Variants in UTP6 observed in about 807,000 individuals in gnomAD.
The protein encoded by UTP6 is U3 small nucleolar RNA-associated protein 6 homolog.
In UTP6, 60 loss-of-function variants were observed where a neutral mutation model predicts 96.5. The observed-to-expected ratio is 0.62, with a 90% CI of 0.51 to 0.77. The LOEUF is 0.77. UTP6 is among the 30% of genes least tolerant of loss of function. The pLI is 0.00. For synonymous variants in UTP6, 215 were observed against 240.1 expected (o/e 0.90, Z 0.96); for missense variants, 637 against 706.5 (o/e 0.90, Z 1.12).
In UTP6 at chr17:31,894,780, T is replaced by G. The variant is rs757908630; in HGVS notation, c.220-43A>C. The G allele has an allele frequency of 2.3e-5, 35 of 1,536,756 alleles. No homozygotes were observed. The Middle Eastern group carries it at 8.4e-4, about 37-fold the overall frequency. ...AAAACAGAGCCTCAACTTAATCATA[T>G]TTGTCCAAAACAGCATTCCTACTTG... On this transcript the variant is annotated intron_variant, in intron 3 of 18. Coordinates refer to ENST00000261708, the MANE Select transcript of UTP6 (RefSeq NM_018428.3).
chr17:31,889,403 G>A lies in UTP6; in HGVS notation c.425C>T (p.Ala142Val), dbSNP rs749511728. ...AMLAIHSNKP[A>V]LWIMAAKWEM... ...CCATTTGGCTGCCATAATCCACAAAGCTGTAAGTGAAAAACCATCAGATTT... is the reference window on the plus strand; with the variant it reads ...CCATTTGGCTGCCATAATCCACAAAACTGTAAGTGAAAAACCATCAGATTT... The change falls in exon 7 of 19, where the codon GCT (alanine) becomes GTT (valine). Residue 142 changes from alanine to valine, a missense_variant and splice_region_variant. Coordinates refer to ENST00000261708, the MANE Select transcript of UTP6 (RefSeq NM_018428.3). 1 of 1,607,618 alleles carries A rather than the reference G, an allele frequency of 6.2e-7. No homozygotes were observed.
intron 18 of UTP6, 92 bp downstream of exon 18, chr17:31,865,274 A>G: frequency 1.5e-6 from 2 of 1,370,324 alleles, no homozygotes; most frequent in Non-Finnish European, 2.1e-6. Context: ...TGGCCTCCCA[A>G]AGTGCTGGGA....
intron 11 of UTP6, 195 bp downstream of exon 11, chr17:31,880,378 G>A (rs957515697): frequency 8.5e-5 from 50 of 585,042 alleles, no homozygotes; most frequent in Non-Finnish European, 1.2e-4. Flanking sequence ...CCGAAATCGA[G>A]CCACTGAACT....
In UTP6 at chr17:31,873,374, G is replaced by C; in HGVS notation, c.1496+4C>G. ...TAGTAACAACTATGAACGTCTGTGA[G>C]TACCTTTTAAACACAGCTCTGGCCT... is the stretch of plus-strand genomic sequence containing the variant. On this transcript the variant is annotated splice_donor_region_variant and intron_variant, in intron 16 of 18. Coordinates refer to ENST00000261708, the MANE Select transcript of UTP6 (RefSeq NM_018428.3). 6.2e-7 allele frequency: 1 copy of C among 1,613,936 alleles called. No individual in the cohort carries two copies. The highest frequency in any genetic ancestry group is 8.5e-7 in the Non-Finnish European group (1 of 1,179,880).
At chr17:31,870,235 TC>T (rs1235214639) in intron 16 of UTP6, among the ~76,000 whole-genome samples, 3 of 152,164 alleles carry the variant, frequency 2.0e-5, no homozygotes, top group Non-Finnish European at 4.4e-5. Context: ...TTTAAGTTCT[TC>T]CAGAAATCTC....
chr17:31,897,115 T>C (rs946124057), intron 2 of UTP6, among the ~76,000 whole-genome samples: 1 of 151,646 alleles, frequency 6.6e-6, no homozygotes, highest in African/African-American at 2.4e-5. Context: ...AAGGAGACCC[T>C]ATCTCTACAA....
In UTP6 at chr17:31,901,701, T is replaced by C. The variant is rs1904993587; in HGVS notation, c.-74A>G. On this transcript the variant is annotated 5_prime_UTR_variant, in exon 1 of 19. Coordinates refer to ENST00000261708, the MANE Select transcript of UTP6 (RefSeq NM_018428.3). ...GAGCAGGAAGCTCCCGGTTTCAGGTTCGGAGACCCAGCCCTACCACCGACG... is the reference window on the plus strand; with the variant it reads ...GAGCAGGAAGCTCCCGGTTTCAGGTCCGGAGACCCAGCCCTACCACCGACG... 1 of 1,460,344 alleles carries C rather than the reference T, an allele frequency of 6.8e-7. No homozygotes were observed. Among genetic ancestry groups the C allele is most frequent in the African/African-American group, 1.4e-5 (1 of 72,420 alleles). 90.5% of individuals were successfully genotyped at this position (1,460,344 alleles called of 1,614,324 possible). A position where few individuals can be genotyped will look rare whatever the true frequency, so the allele number is the denominator to read the frequency against.
intron 6 of UTP6, among the ~76,000 whole-genome samples, chr17:31,890,745 G>A (rs1234654709): frequency 6.6e-6 from 1 of 152,060 alleles, no homozygotes; most frequent in Non-Finnish European, 1.5e-5. Flanking sequence ...CAGCACTTTG[G>A]GAGGCTGAGG....
intron 13 of UTP6, 97 bp from the exon 14 acceptor site, chr17:31,875,510 C>A: frequency 1.5e-6 from 2 of 1,345,960 alleles, no homozygotes; most frequent in Non-Finnish European, 2.0e-6. Context: ...AGAATTTCAC[C>A]AACCTTTCCA....
In UTP6 at chr17:31,860,906, C is replaced by T. The variant is rs1441852107; in HGVS notation, c.*2453G>A. On this transcript the variant is annotated 3_prime_UTR_variant, in exon 19 of 19. Transcript: ENST00000261708. ...AAATGTTCTAAAGTAGACTCTAATA[C>T]TCATAGAAATTTAATATATAATAAA... 6.6e-6 allele frequency: 1 copy of T among 150,980 alleles called. No individual in the cohort carries two copies. The highest frequency in any genetic ancestry group is 1.5e-5 in the Non-Finnish European group (1 of 67,804). 9.4% of individuals were successfully genotyped at this position (150,980 alleles called of 1,614,324 possible).
At chr17:31,898,828 G>T (rs1277714848) in intron 2 of UTP6, among the ~76,000 whole-genome samples, 2 of 152,156 alleles carry the variant, frequency 1.3e-5, no homozygotes, top group Non-Finnish European at 2.9e-5. Context: ...ATTGCTTGAG[G>T]CCAGGAGTTC....
intron 8 of UTP6, 143 bp from the exon 9 acceptor site, chr17:31,886,204 GT>G: frequency 1.6e-6 from 1 of 638,242 alleles, no homozygotes; most frequent in Non-Finnish European, 2.7e-6. Flanking sequence ...TCCCTCACTT[GT>G]AAAGTGTGCA....
At chr17:31,892,022 CA>C (rs374498778) in intron 6 of UTP6, 5,165 of 427,216 alleles carry the variant, frequency 0.012, no homozygotes, top group South Asian at 0.018. Flanking sequence ...GACTCCGTCT[CA>C]AAAAAAAAAG....
At chr17:31,880,176 T>G (rs894639204) in intron 11 of UTP6, 3 of 214,492 alleles carry the variant, frequency 1.4e-5, no homozygotes, top group Non-Finnish European at 2.9e-5. Flanking sequence ...CCCTAGCACT[T>G]TGGGAGACCA....
chr17:31,867,942 C>G, intron 17 of UTP6, 104 bp downstream of exon 17: 1 of 1,102,472 alleles, frequency 9.1e-7, no homozygotes, highest in Non-Finnish European at 1.3e-6. Flanking sequence ...GGCAACAGAG[C>G]GAGACTCTGC....
intron 13 of UTP6, among the ~76,000 whole-genome samples, chr17:31,877,125 A>G (rs1910544045): frequency 6.6e-6 from 1 of 152,168 alleles, no homozygotes; most frequent in Non-Finnish European, 1.5e-5. Context: ...AACTAAAGCA[A>G]ATTTTTCTGA....
intron 12 of UTP6, 142 bp downstream of exon 12, chr17:31,878,560 T>C: frequency 1.1e-6 from 1 of 874,378 alleles, no homozygotes; most frequent in Non-Finnish European, 1.8e-6. Flanking sequence ...CTTTAGAATG[T>C]CACGTCACCC....
At chr17:31,875,820 C>CAA (rs1012799437) in intron 13 of UTP6, among the ~76,000 whole-genome samples, 10 of 65,792 alleles carry the variant, frequency 1.5e-4, no homozygotes, top group African/African-American at 2.3e-4. Context: ...AACTCTATCT[C>CAA]AAAAAAAAAA....
intron 2 of UTP6, among the ~76,000 whole-genome samples, chr17:31,896,458 T>C (rs149363705): frequency 6.6e-6 from 1 of 152,314 alleles, no homozygotes; most frequent in East Asian, 1.9e-4. Context: ...CAAGTGATGT[T>C]TCCCCTTTGT....
Sources: gnomAD v4.1 joint callset for allele counts (sites outside exome capture counted in the v4.1 genomes callset) on GRCh38, gnomAD v4.1.1 for gene constraint, MANE v1.5 for transcripts, NCBI Gene and HGNC (gene_info 2026-07-23, HGNC 2026-07-21) for gene names.